The following CLSTN2 variants were observed in gnomAD, a reference collection of about 807,000 sequenced individuals.
CLSTN2 encodes calsyntenin-2.
CLSTN2 carries 48 observed loss-of-function variants against 101.2 expected under a neutral mutation model. That is an observed-to-expected ratio of 0.47 (90% confidence interval 0.38 to 0.60). CLSTN2 has a LOEUF of 0.60. Among genes scored for constraint, CLSTN2 ranks in the 20% least tolerant of loss-of-function variants. The pLI is 0.00. For missense variants in CLSTN2, 1,160 were observed against 1,238.2 expected (o/e 0.94, Z 0.95); for synonymous variants, 481 against 463.6 (o/e 1.04, Z -0.48).
chr3:140,151,849 G>A (rs1263965228), intron 1 of CLSTN2, among the ~76,000 whole-genome samples: 1 of 152,194 alleles, frequency 6.6e-6, no homozygotes, highest in East Asian at 1.9e-4. Flanking sequence ...AGCAGTGGGG[G>A]TAGAAAGCTG....
At chr3:140,421,700 G>T (rs2088508033) in intron 5 of CLSTN2, among the ~76,000 whole-genome samples, 1 of 152,152 alleles carries the variant, frequency 6.6e-6, no homozygotes, top group South Asian at 2.1e-4. Context: ...ATGCACACAG[G>T]CAGAGGCGGG....
chr3:140,519,848 T>C (rs1452830866), intron 8 of CLSTN2, among the ~76,000 whole-genome samples: 1 of 152,236 alleles, frequency 6.6e-6, no homozygotes, highest in Non-Finnish European at 1.5e-5. Context: ...TATCCTGTCA[T>C]CATGATGCTA....
intron 2 of CLSTN2, among the ~76,000 whole-genome samples, chr3:140,353,928 C>T (rs967503176): frequency 6.6e-6 from 1 of 152,094 alleles, no homozygotes; most frequent in African/African-American, 2.4e-5. Flanking sequence ...TCACATCAGA[C>T]CATAGAGGTG....
chr3:139,963,914 G>A (rs184275921), intron 1 of CLSTN2, among the ~76,000 whole-genome samples: 2 of 152,308 alleles, frequency 1.3e-5, no homozygotes, highest in Admixed American at 6.5e-5. Context: ...TGAAATTGGT[G>A]GGCAGGCACT....
intron 1 of CLSTN2, among the ~76,000 whole-genome samples, chr3:140,003,672 T>C (rs922317241): frequency 1.2e-4 from 18 of 152,172 alleles, no homozygotes; most frequent in African/African-American, 4.1e-4. Flanking sequence ...GTCTGTCATA[T>C]ATGCCTTTTA....
At chr3:140,370,964 A>G (rs2087849610) in intron 2 of CLSTN2, among the ~76,000 whole-genome samples, 1 of 152,168 alleles carries the variant, frequency 6.6e-6, no homozygotes. Context: ...GTGGCTCCAG[A>G]CATCAAACAC....
At chr3:140,452,196 T>G (rs1363357318) in intron 6 of CLSTN2, among the ~76,000 whole-genome samples, 2 of 152,116 alleles carry the variant, frequency 1.3e-5, no homozygotes, top group Non-Finnish European at 2.9e-5. Context: ...CATTCTAGCC[T>G]GATTCTTGAC....
chr3:140,184,834 A>G (rs1391398067), intron 2 of CLSTN2, among the ~76,000 whole-genome samples: 2 of 152,160 alleles, frequency 1.3e-5, no homozygotes, highest in African/African-American at 4.8e-5. Context: ...TGTGATCCTT[A>G]TCAGAACTGG....
intron 1 of CLSTN2, among the ~76,000 whole-genome samples, chr3:140,063,874 G>A (rs1297693413): frequency 1.3e-5 from 2 of 152,146 alleles, no homozygotes; most frequent in Non-Finnish European, 2.9e-5. Context: ...CAATTATGGA[G>A]TATCACACCC....
intron 6 of CLSTN2, chr3:140,449,960 G>A (rs1003369548): frequency 1.3e-5 from 2 of 152,322 alleles, no homozygotes; most frequent in African/African-American, 4.8e-5. Flanking sequence ...GACAGAGAGG[G>A]CTTGTTGTCA....
rs564892517 is a variant in CLSTN2, at chr3:140,530,261, A to G, written c.1345-2063A>G. ...GCATTTTAGTGCTGATGCTACATGAAATATGCAAACTCTCAAATTCTTATG... is the reference window on the plus strand; with the variant it reads ...GCATTTTAGTGCTGATGCTACATGAGATATGCAAACTCTCAAATTCTTATG... On this transcript the variant is annotated intron_variant, in intron 8 of 16. Coordinates refer to ENST00000458420, the MANE Select transcript of CLSTN2 (RefSeq NM_022131.3). Among the ~76,000 whole-genome samples the G allele has an allele frequency of 1.0e-3, 158 of 152,370 alleles. 5 individuals are homozygous for G. The highest frequency in any genetic ancestry group is 6.8e-4 in the Non-Finnish European group (46 of 68,030).
chr3:139,953,709 C>T (rs1457891580), intron 1 of CLSTN2, among the ~76,000 whole-genome samples: 1 of 152,202 alleles, frequency 6.6e-6, no homozygotes, highest in Non-Finnish European at 1.5e-5. Flanking sequence ...GTCTGGGCAT[C>T]TCCAAGAGGA....
At chr3:140,251,604 T>TTTCCC (rs2086564411) in intron 2 of CLSTN2, among the ~76,000 whole-genome samples, 1 of 149,472 alleles carries the variant, frequency 6.7e-6, no homozygotes, top group Non-Finnish European at 1.5e-5. Flanking sequence ...TTTCCTTTCC[T>TTTCCC]TTCCTTTCCT....
chr3:140,452,765 A>G (rs1350412283), intron 6 of CLSTN2: 1 of 152,192 alleles, frequency 6.6e-6, no homozygotes, highest in Non-Finnish European at 1.5e-5. Flanking sequence ...AGACACTGCC[A>G]TTCTGCTTTG....
intron 1 of CLSTN2, among the ~76,000 whole-genome samples, chr3:139,999,725 A>G (rs1576392391): frequency 6.6e-6 from 1 of 152,144 alleles, no homozygotes; most frequent in Non-Finnish European, 1.5e-5. Flanking sequence ...TCTGTTATTT[A>G]TTTAACTTTC....
At chr3:140,345,740 G>C (rs934514520) in intron 2 of CLSTN2, among the ~76,000 whole-genome samples, 3 of 151,982 alleles carry the variant, frequency 2.0e-5, no homozygotes, top group African/African-American at 7.3e-5. Flanking sequence ...CAAATGGGTA[G>C]GTAGAGGGAA....
intron 12 of CLSTN2, among the ~76,000 whole-genome samples, chr3:140,561,264 A>G (rs115412284): frequency 0.031 from 4,792 of 152,284 alleles, 121 homozygotes; most frequent in South Asian, 0.11. Context: ...TGGGGATAGT[A>G]ATAGTACCCC....
intron 1 of CLSTN2, among the ~76,000 whole-genome samples, chr3:140,068,390 G>A (rs886180991): frequency 5.9e-5 from 9 of 152,352 alleles, no homozygotes; most frequent in South Asian, 2.1e-4. Context: ...ACTGATAGCT[G>A]GAGGTTCCTG....
At chr3:140,176,148 A>G (rs2010321557) in intron 2 of CLSTN2, 75 bp downstream of exon 2, 1 of 1,525,700 alleles carries the variant, frequency 6.6e-7, no homozygotes, top group Admixed American at 1.8e-5. Context: ...AAAGCCCAGA[A>G]TATGGCTTTA....
Sources: allele counts gnomAD v4.1 joint callset (sites outside exome capture counted in the v4.1 genomes callset), GRCh38; gene constraint gnomAD v4.1.1; transcripts MANE v1.5; gene names NCBI Gene and HGNC (gene_info 2026-07-23, HGNC 2026-07-21).